Variants in SLC16A10 observed in about 807,000 individuals in gnomAD.
SLC16A10 encodes the protein monocarboxylate transporter 10.
SLC16A10 carries 27 observed loss-of-function variants against 40.0 expected under a neutral mutation model. That is an observed-to-expected ratio of 0.67 (90% CI 0.50 to 0.93). The LOEUF is 0.93. Ranked by LOEUF, SLC16A10 falls within the 40% of genes least tolerant of loss-of-function variation. The pLI is 0.00. For missense variants in SLC16A10, 529 were observed against 658.2 expected, an observed-to-expected ratio of 0.80 and a Z score of 2.15; for synonymous variants, 213 against 249.8, an observed-to-expected ratio of 0.85 and a Z score of 1.39.
intron 3 of SLC16A10, among the ~76,000 whole-genome samples, chr6:111,193,859 T>G (rs1349483598): frequency 6.6e-6 from 1 of 152,218 alleles, no homozygotes; most frequent in Non-Finnish European, 1.5e-5. Context: ...TGTTAGGCCC[T>G]TATATTGGGT....
At chr6:111,104,341 G>A (rs1022652477) in intron 1 of SLC16A10, among the ~76,000 whole-genome samples, 2 of 152,144 alleles carry the variant, frequency 1.3e-5, no homozygotes, top group Non-Finnish European at 2.9e-5. Context: ...CCATGGAAAT[G>A]GGAATGAAGG....
intron 4 of SLC16A10, among the ~76,000 whole-genome samples, chr6:111,214,117 A>G (rs1269599204): frequency 6.6e-6 from 1 of 152,214 alleles, no homozygotes; most frequent in Non-Finnish European, 1.5e-5. Context: ...TCATGTGCAT[A>G]CACTAACTCA....
chr6:111,199,546 C>A (rs191981583), intron 3 of SLC16A10, among the ~76,000 whole-genome samples: 1 of 151,192 alleles, frequency 6.6e-6, no homozygotes, highest in East Asian at 1.9e-4. Context: ...CAGGAAGGAA[C>A]AGAACAATTT....
rs542478447 is a variant in SLC16A10 at position 111,092,504 on chromosome 6, C to G, written c.343+4409C>G. On this transcript the variant is annotated intron_variant, in intron 1 of 5. Transcript: ENST00000368851. ...CTAATTTTTGTATTTTTAGTAGAGACAGGGTTTCACCATATTGGCCAGGCT... is the reference window on the plus strand; with the variant it reads ...CTAATTTTTGTATTTTTAGTAGAGAGAGGGTTTCACCATATTGGCCAGGCT... 8.6e-5 allele frequency among the ~76,000 whole-genome samples: 13 copies of G among 150,872 alleles called. No individual in the cohort carries two copies. The East Asian group carries it at 2.6e-3, about 30-fold the overall frequency.
chr6:111,124,306 T>TAA (rs576081876), intron 1 of SLC16A10, among the ~76,000 whole-genome samples: 8 of 144,144 alleles, frequency 5.6e-5, no homozygotes, highest in African/African-American at 1.0e-4. Flanking sequence ...TACTTATAGT[T>TAA]AAAAAAAAAA....
In SLC16A10 at chr6:111,148,502, G is replaced by A. The variant is rs1772117481; in HGVS notation, c.344-24193G>A. On this transcript the variant is annotated intron_variant, in intron 1 of 5. Transcript: ENST00000368851. Reference sequence around the variant, plus strand: ...TGACAGGCCAACAATTATGAGCAAGGAGGCATTTGATTCATCAAGATAGAA... The same window carrying A: ...TGACAGGCCAACAATTATGAGCAAGAAGGCATTTGATTCATCAAGATAGAA... Among the ~76,000 whole-genome samples the A allele has an allele frequency of 2.0e-5, 3 of 152,324 alleles. No homozygotes were observed. In the South Asian group the frequency reaches 6.2e-4, roughly 32 times the overall value.
chr6:111,142,152 G>A (rs1388563357), intron 1 of SLC16A10, among the ~76,000 whole-genome samples: 1 of 152,178 alleles, frequency 6.6e-6, no homozygotes, highest in Non-Finnish European at 1.5e-5. Context: ...GAACAGTATG[G>A]TATTGGTGAA....
chr6:111,128,107 T>A (rs938129667), intron 1 of SLC16A10, among the ~76,000 whole-genome samples: 2 of 152,232 alleles, frequency 1.3e-5, no homozygotes, highest in African/African-American at 4.8e-5. Flanking sequence ...ATTTTCTTCT[T>A]AAAACAGGGT....
Position 111,177,530 on chromosome 6 carries a change from C to T in SLC16A10, c.807C>T (p.Ser269=), listed in dbSNP as rs1772709636. 1 of 1,613,354 alleles carries T rather than the reference C, an allele frequency of 6.2e-7. No homozygotes were observed. Among genetic ancestry groups the T allele is most frequent in the Admixed American group, 1.7e-5 (1 of 59,768 alleles). Residue 269 remains serine (S), a synonymous_variant, in exon 3 of 6, where the codon TCC becomes TCT. Coordinates refer to ENST00000368851, the MANE Select transcript of SLC16A10 (RefSeq NM_018593.5). ...AAGAGAGTGGAGGTAGCGGATCCTC[C>T]CTCTTTTCCAGGAAAAAGTTCAGTC... ...KDKESGGSGS[S]LFSRKKFSPP...
intron 1 of SLC16A10, among the ~76,000 whole-genome samples, chr6:111,165,889 A>G (rs980840903): frequency 6.6e-6 from 1 of 152,216 alleles, no homozygotes; most frequent in African/African-American, 2.4e-5. Context: ...GCAGAGACCA[A>G]AAGAAAGTCC....
chr6:111,115,552 A>T (rs972527778), intron 1 of SLC16A10, among the ~76,000 whole-genome samples: 1 of 152,174 alleles, frequency 6.6e-6, no homozygotes, highest in Admixed American at 6.5e-5. Flanking sequence ...AATGAATAGG[A>T]TTGGCTGGCA....
Position 111,230,377 on chromosome 6 carries a change from T to A in SLC16A10, c.*8142T>A, listed in dbSNP as rs140853525. 5.3e-5 allele frequency: 8 copies of A among 152,326 alleles called. No individual in the cohort carries two copies. The highest frequency in any genetic ancestry group is 1.0e-4 in the Non-Finnish European group (7 of 68,034). 9.4% of individuals were successfully genotyped at this position (152,326 alleles called of 1,614,324 possible). ...TGTAAATTAAGAAGACAATACACAC[T>A]CTCATTTTCCTAATTAGAAAGACTA... On this transcript the variant is annotated 3_prime_UTR_variant, in exon 6 of 6. Transcript: ENST00000368851.
intron 3 of SLC16A10, among the ~76,000 whole-genome samples, chr6:111,188,415 C>T (rs1772936424): frequency 6.6e-6 from 1 of 151,950 alleles, no homozygotes; most frequent in Non-Finnish European, 1.5e-5. Context: ...TTCTTCAAGA[C>T]TTTCAAATTT....
intron 1 of SLC16A10, among the ~76,000 whole-genome samples, chr6:111,140,360 G>A (rs1422430901): frequency 1.3e-5 from 2 of 152,108 alleles, no homozygotes; most frequent in Non-Finnish European, 2.9e-5. Context: ...CCCCTTGGGA[G>A]ACTGAGCTGG....
At chr6:111,121,655 G>T (rs1273506673) in intron 1 of SLC16A10, among the ~76,000 whole-genome samples, 1 of 152,146 alleles carries the variant, frequency 6.6e-6, no homozygotes, top group Non-Finnish European at 1.5e-5. Context: ...TTGGTTTAAA[G>T]AAACTATGGA....
At chr6:111,094,524 T>G (rs1387538852) in intron 1 of SLC16A10, among the ~76,000 whole-genome samples, 1 of 152,246 alleles carries the variant, frequency 6.6e-6, no homozygotes, top group Non-Finnish European at 1.5e-5. Context: ...TTATTTCTCT[T>G]CCTTCCTTAC....
intron 4 of SLC16A10, among the ~76,000 whole-genome samples, chr6:111,216,426 G>A (rs1261223200): frequency 6.6e-6 from 1 of 151,242 alleles, no homozygotes; most frequent in Non-Finnish European, 1.5e-5. Context: ...TTTTTTGAGA[G>A]GGAGTCTCAC....
intron 1 of SLC16A10, among the ~76,000 whole-genome samples, chr6:111,160,757 C>G (rs1383930566): frequency 6.6e-6 from 1 of 152,232 alleles, no homozygotes; most frequent in East Asian, 1.9e-4. Context: ...GGTGCTCCCT[C>G]ACCCCCACAG....
intron 1 of SLC16A10, among the ~76,000 whole-genome samples, chr6:111,161,810 C>T (rs374882047): frequency 6.6e-6 from 1 of 152,106 alleles, no homozygotes; most frequent in Non-Finnish European, 1.5e-5. Flanking sequence ...GAATGAGGCT[C>T]GGCTTTGGTC....
Sources: gnomAD v4.1 joint callset for allele counts (sites outside exome capture counted in the v4.1 genomes callset) on GRCh38, gnomAD v4.1.1 for gene constraint, MANE v1.5 for transcripts, NCBI Gene and HGNC (gene_info 2026-07-23, HGNC 2026-07-21) for gene names.